Variants in PTPRN2 observed in about 807,000 individuals in gnomAD.
The protein encoded by PTPRN2 is receptor-type tyrosine-protein phosphatase N2.
In PTPRN2, 74 loss-of-function variants were observed where a neutral mutation model predicts 118.8. The ratio of observed to expected loss-of-function variants is 0.62; its 90% CI spans 0.52 to 0.76. The LOEUF is 0.76. Among genes scored for constraint, PTPRN2 ranks in the 30% least tolerant of loss-of-function variants. PTPRN2 has a pLI of 0.00. For missense variants in PTPRN2, 1,481 were observed against 1,394.4 expected (o/e 1.06, Z -0.99); for synonymous variants, 641 against 608.0 (o/e 1.05, Z -0.80).
chr7:158,100,810 AT>A (rs1815173494), intron 10 of PTPRN2, among the ~76,000 whole-genome samples: 1 of 152,190 alleles, frequency 6.6e-6, no homozygotes, highest in Non-Finnish European at 1.5e-5. Flanking sequence ...TGTCGGATAT[AT>A]AGATCATGAA....
At chr7:158,270,806 T>TCCACCTGGACCGCCCCCC (rs1197466438) in intron 3 of PTPRN2, among the ~76,000 whole-genome samples, 1 of 6,414 alleles carries the variant, frequency 1.6e-4, no homozygotes, top group Admixed American at 1.4e-3. Flanking sequence ...GACCACCCCC[T>TCCACCTGGACCGCCCCCC]CACCTGGACC....
intron 2 of PTPRN2, among the ~76,000 whole-genome samples, chr7:158,487,955 CCA>C (rs1821149429): frequency 1.3e-5 from 2 of 152,138 alleles, no homozygotes; most frequent in Admixed American, 6.5e-5. Flanking sequence ...TCCAAGGAAT[CCA>C]CAGTCATTAT....
At chr7:158,062,168 C>T (rs1585306764) in intron 11 of PTPRN2, among the ~76,000 whole-genome samples, 1 of 152,376 alleles carries the variant, frequency 6.6e-6, no homozygotes, top group Non-Finnish European at 1.5e-5. Context: ...GGTGGCTTCG[C>T]ATCAGCTCAC....
chr7:158,176,575 G>A (rs1412822636), intron 5 of PTPRN2, among the ~76,000 whole-genome samples: 1 of 152,186 alleles, frequency 6.6e-6, no homozygotes, highest in Non-Finnish European at 1.5e-5. Context: ...GACTGCTAGT[G>A]CAGGGTGGGT....
intron 12 of PTPRN2, among the ~76,000 whole-genome samples, chr7:157,772,120 TACAC>T (rs992468943): frequency 1.0e-4 from 13 of 124,846 alleles, no homozygotes; most frequent in Non-Finnish European, 1.9e-4. Flanking sequence ...CACACAGACA[TACAC>T]ATACACAGAC....
intron 10 of PTPRN2, among the ~76,000 whole-genome samples, chr7:158,097,186 G>A (rs907168801): frequency 1.5e-5 from 2 of 132,632 alleles, no homozygotes; most frequent in East Asian, 2.4e-4. Context: ...GAAGTTTCCC[G>A]GCAAACCCCA....
intron 3 of PTPRN2, among the ~76,000 whole-genome samples, chr7:158,284,979 C>T (rs999013476): frequency 2.0e-5 from 3 of 152,226 alleles, no homozygotes; most frequent in Non-Finnish European, 4.4e-5. Flanking sequence ...CATATGCTGA[C>T]GTTATCCTCC....
At chr7:158,350,696 G>A (rs1337166504) in intron 2 of PTPRN2, among the ~76,000 whole-genome samples, 6 of 152,162 alleles carry the variant, frequency 3.9e-5, no homozygotes, top group African/African-American at 9.6e-5. Context: ...GCCTCCTGCC[G>A]GCCACTGGAT....
intron 21 of PTPRN2, among the ~76,000 whole-genome samples, chr7:157,563,288 A>AC (rs1799303297): frequency 1.5e-5 from 2 of 137,012 alleles, no homozygotes; most frequent in African/African-American, 5.6e-5. Flanking sequence ...ACGTCACCAC[A>AC]CACAGCAGAT....
chr7:158,260,129 T>C (rs1450677398), intron 3 of PTPRN2, among the ~76,000 whole-genome samples: 1 of 152,230 alleles, frequency 6.6e-6, no homozygotes, highest in Non-Finnish European at 1.5e-5. Context: ...AACGCCTGCA[T>C]GCCTAGCAGA....
Position 157,903,325 on chromosome 7 carries a change from C to T in PTPRN2, c.1724-4588G>A, listed in dbSNP as rs1018799818. Among the ~76,000 whole-genome samples, 9 of 152,058 alleles carry T rather than the reference C, an allele frequency of 5.9e-5. No individual in the cohort carries two copies. The highest frequency in any genetic ancestry group is 3.3e-4 in the Admixed American group (5 of 15,276). On this transcript the variant is annotated intron_variant, in intron 11 of 22. Coordinates refer to ENST00000389418, the MANE Select transcript of PTPRN2 (RefSeq NM_002847.5). The surrounding 1 kb of genome is among the most constrained non-coding windows in gnomAD (Gnocchi z 4.2). ...GCTGAAACTCCCTCTGGGGGACGTG[C>T]TCACTACCTGCAAGACGGGAGCAAG...
chr7:158,477,417 A>C (rs947379745), intron 2 of PTPRN2, among the ~76,000 whole-genome samples: 7 of 152,258 alleles, frequency 4.6e-5, no homozygotes, highest in African/African-American at 1.2e-4. Flanking sequence ...GAAGGGACAC[A>C]AAAGGAATTT....
At chr7:158,084,745 CCA>C (rs1209170963) in intron 10 of PTPRN2, among the ~76,000 whole-genome samples, 5 of 148,758 alleles carry the variant, frequency 3.4e-5, no homozygotes, top group African/African-American at 1.2e-4. Flanking sequence ...CGATGCCCAT[CCA>C]CACAGATGCC....
chr7:157,650,930 A>G (rs1266378427), intron 14 of PTPRN2, among the ~76,000 whole-genome samples: 2 of 152,364 alleles, frequency 1.3e-5, no homozygotes, highest in African/African-American at 4.8e-5. Context: ...CAAGGTGCAC[A>G]GGCAGAGACA....
At chr7:158,455,043 G>A (rs1438246326) in intron 2 of PTPRN2, among the ~76,000 whole-genome samples, 4 of 152,190 alleles carry the variant, frequency 2.6e-5, no homozygotes, top group African/African-American at 9.7e-5. Context: ...GAAAACCCAA[G>A]AAATGGCCCC....
Position 158,438,231 on chromosome 7 carries a change from A to C in PTPRN2, c.163+51504T>G, listed in dbSNP as rs1816712728. The stretch of plus-strand genomic sequence containing the variant: ...CGTCTCTACTAAAAATACAAAAATT[A>C]GCCAGGCGTGGTGGTGCATGCCTGT... On this transcript the variant is annotated intron_variant, in intron 2 of 22. Coordinates refer to ENST00000389418, the MANE Select transcript of PTPRN2 (RefSeq NM_002847.5). The surrounding 1 kb of genome is among the most constrained non-coding windows in gnomAD (Gnocchi z 4.7). Among the ~76,000 whole-genome samples, 1 of 152,118 alleles carries C rather than the reference A, an allele frequency of 6.6e-6. No homozygotes were observed. Among genetic ancestry groups the C allele is most frequent in the African/African-American group, 2.4e-5 (1 of 41,422 alleles).
chr7:158,035,382 G>T (rs1808024379), intron 11 of PTPRN2, among the ~76,000 whole-genome samples: 1 of 152,234 alleles, frequency 6.6e-6, no homozygotes, highest in Non-Finnish European at 1.5e-5. Flanking sequence ...AACGTGAAAG[G>T]AAGGAAGGAG....
rs1044871068 is a variant in PTPRN2 at position 157,545,933 on chromosome 7, A to G, written c.2976+3013T>C. Among the ~76,000 whole-genome samples the G allele has an allele frequency of 2.6e-5, 4 of 152,116 alleles. No homozygotes were observed. In the South Asian group the frequency reaches 8.3e-4, roughly 32 times the overall value. On this transcript the variant is annotated intron_variant, in intron 22 of 22. Coordinates refer to ENST00000389418, the MANE Select transcript of PTPRN2 (RefSeq NM_002847.5). ...AGATTGGACAGCAGCATTTTGCCCA[A>G]ATAATTTTTCTATCTTTGTGAAACT...
rs566532505 is a variant in PTPRN2, at chr7:157,550,957, G to A, written c.2903-1938C>T. 6.6e-6 allele frequency among the ~76,000 whole-genome samples: 1 copy of A among 152,208 alleles called. No individual in the cohort carries two copies. On this transcript the variant is annotated intron_variant, in intron 21 of 22. Transcript: ENST00000389418. This position sits in a 1 kb window ranked among gnomAD's most constrained non-coding sequence, Gnocchi z 5.2. Reference sequence around the variant, plus strand: ...GCCTGACACAAACGGGTGAGTTTGTGAAATGGTAGAGAGGAAGGGAGGAAG... The same window carrying A: ...GCCTGACACAAACGGGTGAGTTTGTAAAATGGTAGAGAGGAAGGGAGGAAG...
Sources: allele counts gnomAD v4.1 joint callset (sites outside exome capture counted in the v4.1 genomes callset), GRCh38; gene constraint gnomAD v4.1.1; non-coding constraint Gnocchi (gnomAD v3.1); transcripts MANE v1.5; gene names NCBI Gene and HGNC (gene_info 2026-07-23, HGNC 2026-07-21).